The following DLG2 variants were observed in gnomAD, a reference collection of about 807,000 sequenced individuals.
The protein encoded by DLG2 is disks large homolog 2.
A neutral mutation model predicts 132.5 loss-of-function variants in DLG2; 45 were observed. That is an observed-to-expected ratio of 0.34 (90% CI 0.27 to 0.44). The LOEUF is 0.44. Ranked by LOEUF, DLG2 falls within the 20% of genes least tolerant of loss-of-function variation. DLG2 has a pLI of 1.00. For missense variants in DLG2, 1,045 were observed against 1,196.9 expected, an observed-to-expected ratio of 0.87 and a Z score of 1.87; for synonymous variants, 424 against 419.6, an observed-to-expected ratio of 1.01 and a Z score of -0.13.
At chr11:83,724,476 T>TGAGAGAGA (rs59782952) in intron 18 of DLG2, among the ~76,000 whole-genome samples, 3,849 of 118,024 alleles carry the variant, frequency 0.033, 84 homozygotes, top group Admixed American at 0.049. Flanking sequence ...TGTGTGTGTG[T>TGAGAGAGA]GAGAGAGAGA....
At chr11:83,922,510 A>G (rs998283615) in intron 15 of DLG2, among the ~76,000 whole-genome samples, 1 of 152,174 alleles carries the variant, frequency 6.6e-6, no homozygotes, top group African/African-American at 2.4e-5. Flanking sequence ...AAGTGAAATA[A>G]AGAATTCTTT....
At chr11:85,296,131 AAGC>A (rs2079189280) in intron 3 of DLG2, among the ~76,000 whole-genome samples, 1 of 152,180 alleles carries the variant, frequency 6.6e-6, no homozygotes, top group South Asian at 2.1e-4. Context: ...AACAGAAAAT[AAGC>A]AGCAGAAGAG....
intron 15 of DLG2, among the ~76,000 whole-genome samples, chr11:83,896,050 C>T (rs1295933043): frequency 8.0e-6 from 1 of 124,636 alleles, no homozygotes; most frequent in Non-Finnish European, 1.7e-5. Flanking sequence ...ACCAGGGACT[C>T]TCTTATGTAT....
At chr11:85,002,201 T>C (rs1336020015) in intron 6 of DLG2, among the ~76,000 whole-genome samples, 26 of 152,172 alleles carry the variant, frequency 1.7e-4, no homozygotes. Flanking sequence ...CAGTCTCCTT[T>C]TGAGAAGCTA....
rs117330623 is a variant in DLG2, at chr11:84,392,871, G to A, written c.520-141580C>T. On this transcript the variant is annotated intron_variant, in intron 7 of 27. Transcript: ENST00000376104. ...TCAGGAGCCATGTTCTTCACCCTTC[G>A]GCTGGGCTTCTTTGTAATGATAAAC... 3.3e-4 allele frequency among the ~76,000 whole-genome samples: 50 copies of A among 152,158 alleles called. 1 individual carries two copies. The East Asian group carries it at 9.3e-3, about 28-fold the overall frequency.
In DLG2 at chr11:83,817,294, C is replaced by A. The variant is rs566879587; in HGVS notation, c.1722+16320G>T. ...GTGAAGTGGGAATGGCAAGAGAAGG[C>A]ATTTAGAGAATATAACAATCTAAGA... On this transcript the variant is annotated intron_variant, in intron 17 of 27. Transcript: ENST00000376104. Among the ~76,000 whole-genome samples the A allele has an allele frequency of 2.6e-5, 4 of 152,062 alleles. No homozygotes were observed. In the East Asian group the frequency reaches 5.8e-4, roughly 22 times the overall value.
intron 14 of DLG2, among the ~76,000 whole-genome samples, chr11:83,938,146 A>T (rs12225678): frequency 0.065 from 9,859 of 152,312 alleles, 403 homozygotes; most frequent in East Asian, 0.15. Context: ...CATTAAAGTT[A>T]ATATTCATAA....
chr11:84,027,953 A>G (rs1158191594), intron 11 of DLG2, among the ~76,000 whole-genome samples: 1 of 152,042 alleles, frequency 6.6e-6, no homozygotes, highest in African/African-American at 2.4e-5. Context: ...TTGACTGCCA[A>G]TAATCTACCA....
chr11:83,593,415 A>C (rs1476652877), intron 19 of DLG2, among the ~76,000 whole-genome samples: 1 of 151,784 alleles, frequency 6.6e-6, no homozygotes. Flanking sequence ...AACACCGCAT[A>C]TTCTCACTCA....
At chr11:85,149,234 T>TC (rs2077064397) in intron 5 of DLG2, among the ~76,000 whole-genome samples, 1 of 151,982 alleles carries the variant, frequency 6.6e-6, no homozygotes, top group African/African-American at 2.4e-5. Context: ...CTATATGGGC[T>TC]TTTTTTGGTT....
At chr11:83,501,055 T>G (rs2094430515) in intron 21 of DLG2, among the ~76,000 whole-genome samples, 1 of 152,168 alleles carries the variant, frequency 6.6e-6, no homozygotes, top group African/African-American at 2.4e-5. Context: ...TTCCCTACTT[T>G]GCTCACTTTA....
intron 14 of DLG2, among the ~76,000 whole-genome samples, chr11:83,949,977 C>A (rs982125747): frequency 6.6e-5 from 10 of 152,042 alleles, no homozygotes; most frequent in Non-Finnish European, 1.2e-4. Context: ...GATGTTAAGC[C>A]TAATCTATTT....
At chr11:84,502,176 T>TTCTCTCTTTCTC (rs2099209814) in intron 7 of DLG2, among the ~76,000 whole-genome samples, 1 of 25,582 alleles carries the variant, frequency 3.9e-5, no homozygotes, top group Non-Finnish European at 8.8e-5. Context: ...CTCTCTCTCT[T>TTCTCTCTTTCTC]TCTCTCTCTT....
intron 6 of DLG2, among the ~76,000 whole-genome samples, chr11:84,707,045 C>A (rs1223708532): frequency 2.6e-5 from 4 of 151,722 alleles, no homozygotes; most frequent in African/African-American, 9.7e-5. Flanking sequence ...TTCAGATTAT[C>A]CTTTCTGGTC....
intron 7 of DLG2, among the ~76,000 whole-genome samples, chr11:84,355,523 A>G (rs2098606190): frequency 6.6e-6 from 1 of 152,106 alleles, no homozygotes. Context: ...ACGCCAAATC[A>G]GCTGGTAGCT....
At chr11:84,844,796 C>T (rs1199892232) in intron 6 of DLG2, among the ~76,000 whole-genome samples, 1 of 152,038 alleles carries the variant, frequency 6.6e-6, no homozygotes, top group Non-Finnish European at 1.5e-5. Context: ...ATACATATAA[C>T]AGGTTAAATT....
intron 19 of DLG2, among the ~76,000 whole-genome samples, chr11:83,550,998 T>C (rs570361427): frequency 1.1e-3 from 163 of 152,298 alleles, no homozygotes; most frequent in Non-Finnish European, 1.7e-3. Flanking sequence ...TTTAAGTTTA[T>C]ATATGCATGA....
intron 12 of DLG2, 136 bp downstream of exon 12, chr11:83,980,370 A>G: frequency 1.0e-6 from 1 of 980,300 alleles, no homozygotes; most frequent in Non-Finnish European, 1.4e-6. Flanking sequence ...GAATTGTGAG[A>G]AAATAGATTT....
intron 8 of DLG2, among the ~76,000 whole-genome samples, chr11:84,185,631 G>C (rs1371823396): frequency 6.6e-6 from 1 of 152,054 alleles, no homozygotes; most frequent in African/African-American, 2.4e-5. Flanking sequence ...GGTGAGAGAG[G>C]GCATCCCTGT....
Sources: gnomAD v4.1 joint callset for allele counts (sites outside exome capture counted in the v4.1 genomes callset) on GRCh38, gnomAD v4.1.1 for gene constraint, MANE v1.5 for transcripts, NCBI Gene and HGNC (gene_info 2026-07-23, HGNC 2026-07-21) for gene names.